Variants in TIAM1 observed in about 807,000 individuals in gnomAD.
TIAM1 encodes rho guanine nucleotide exchange factor TIAM1.
A neutral mutation model predicts 163.5 loss-of-function variants in TIAM1; 65 were observed. That is an observed-to-expected ratio of 0.40 (90% CI 0.33 to 0.49). The LOEUF (loss-of-function observed/expected upper bound fraction) is 0.49. Ranked by LOEUF, TIAM1 falls within the 20% of genes least tolerant of loss-of-function variation. TIAM1 has a pLI of 0.77. For missense variants in TIAM1, 1,789 were observed against 2,044.7 expected, an observed-to-expected ratio of 0.87 and a Z score of 2.41; for synonymous variants, 833 against 810.1, an observed-to-expected ratio of 1.03 and a Z score of -0.48.
chr21:31,508,120 G>A (rs2047091385), intron 1 of TIAM1, among the ~76,000 whole-genome samples: 1 of 152,188 alleles, frequency 6.6e-6, no homozygotes, highest in Admixed American at 6.5e-5. Context: ...ACCAGAAGCT[G>A]GAAGAGGGAA....
intron 11 of TIAM1, among the ~76,000 whole-genome samples, chr21:31,206,633 C>G (rs1452641591): frequency 1.3e-5 from 2 of 152,102 alleles, no homozygotes; most frequent in African/African-American, 4.8e-5. Flanking sequence ...AAATTATACC[C>G]TAAGTATTAT....
At position 31,462,835 on chromosome 21, in the gene TIAM1, C is replaced by G. The variant is rs542800062; in HGVS notation, c.-369+1148G>C. Among the ~76,000 whole-genome samples the G allele has an allele frequency of 3.4e-4, 51 of 151,956 alleles. 1 individual carries two copies. In the South Asian group the frequency reaches 0.011, roughly 32 times the overall value. ...TTCGCTCACTGCAACCTCCGCCTCCCAGGTTCAAGCCATTCTCCTGCCTCA... is the reference window on the plus strand; with the variant it reads ...TTCGCTCACTGCAACCTCCGCCTCCGAGGTTCAAGCCATTCTCCTGCCTCA... On this transcript the variant is annotated intron_variant, in intron 2 of 28. Transcript: ENST00000286827.
intron 2 of TIAM1, among the ~76,000 whole-genome samples, chr21:31,425,528 T>G (rs1232898927): frequency 1.3e-5 from 2 of 152,056 alleles, no homozygotes; most frequent in Non-Finnish European, 2.9e-5. Flanking sequence ...CTGGTTTAGT[T>G]GGTCTGCAAT....
intron 2 of TIAM1, among the ~76,000 whole-genome samples, chr21:31,444,659 A>T (rs1301517795): frequency 6.6e-6 from 1 of 152,162 alleles, no homozygotes; most frequent in African/African-American, 2.4e-5. Context: ...GCAGTCTGCC[A>T]TGAAATATTT....
At chr21:31,461,681 T>A (rs931263615) in intron 2 of TIAM1, among the ~76,000 whole-genome samples, 10 of 152,154 alleles carry the variant, frequency 6.6e-5, no homozygotes, top group South Asian at 2.1e-4. Context: ...TGTGTGTGTG[T>A]GAGAGACCTG....
intron 1 of TIAM1, among the ~76,000 whole-genome samples, chr21:31,489,571 AC>A (rs111846555): frequency 0.31 from 44,541 of 141,846 alleles, 7,529 homozygotes; most frequent in East Asian, 0.7. Context: ...AAAAGTGCAG[AC>A]CCCCCCCCCC....
intron 2 of TIAM1, among the ~76,000 whole-genome samples, chr21:31,362,477 TTA>T (rs1491544372): frequency 8.1e-5 from 12 of 147,912 alleles, no homozygotes; most frequent in African/African-American, 3.1e-4. Flanking sequence ...ATTATTATTA[TTA>T]TATTTGAGAA....
chr21:31,478,240 G>A (rs1482931118), intron 1 of TIAM1, among the ~76,000 whole-genome samples: 1 of 152,116 alleles, frequency 6.6e-6, no homozygotes, highest in Non-Finnish European at 1.5e-5. Context: ...TGGGCAAATG[G>A]CAAATTGCCT....
intron 2 of TIAM1, among the ~76,000 whole-genome samples, chr21:31,410,176 GTA>G (rs2077323031): frequency 2.0e-5 from 3 of 150,438 alleles, no homozygotes; most frequent in Non-Finnish European, 1.5e-5. Context: ...GAAAAAGGGT[GTA>G]TGTGTGAGTG....
In TIAM1 at chr21:31,266,962, G is replaced by A. The variant is rs367959238; in HGVS notation, c.11C>T (p.Ala4Val). ...CTCGTGCTCTACATGTTGACTTTCT[G>A]CGTTTCCCATGGTTTTATGGTCTGC... Reference protein sequence around the residue: MGNAESQHVEHEFY... With the variant: MGNVESQHVEHEFY... The change falls in exon 4 of 28, where the codon GCA becomes GTA. Residue 4 changes from alanine (A) to valine (V), a missense_variant. This residue lies in a region of TIAM1 where 555 missense variants were observed against 564.9 expected (regional missense o/e 0.98). Transcript: ENST00000541036. 174 of 1,602,706 alleles carry A rather than the reference G, an allele frequency of 1.1e-4. No individual in the cohort carries two copies. The highest frequency in any genetic ancestry group is 1.5e-4 in the Non-Finnish European group (172 of 1,172,232).
intron 2 of TIAM1, among the ~76,000 whole-genome samples, chr21:31,314,750 T>C (rs1408706711): frequency 1.3e-5 from 2 of 152,298 alleles, no homozygotes; most frequent in East Asian, 3.9e-4. Context: ...TTTTAAAACG[T>C]GCATGCTTGT....
chr21:31,370,570 G>T (rs2076580010), intron 2 of TIAM1, among the ~76,000 whole-genome samples: 1 of 152,160 alleles, frequency 6.6e-6, no homozygotes, highest in Non-Finnish European at 1.5e-5. Context: ...TGATGAGTAT[G>T]TGAGAGTTTC....
upstream of TIAM1, among the ~76,000 whole-genome samples, chr21:31,346,443 T>C (rs1397638466): frequency 6.6e-6 from 1 of 152,152 alleles, no homozygotes; most frequent in East Asian, 1.9e-4. Flanking sequence ...GGGTGCAGCC[T>C]TGGCATCCAT....
Position 31,223,508 on chromosome 21 carries a change from C to G in TIAM1, c.1893G>C (p.Gly631=), listed in dbSNP as rs775081470. 6.8e-6 allele frequency: 11 copies of G among 1,613,798 alleles called. No individual in the cohort carries two copies. The South Asian group carries it at 1.1e-4, about 16-fold the overall frequency. ...FRCYLASLQG[G]ELPNPKRLLA... is the part of the protein sequence containing the mutation. ...GAAGCCTTTTGGGGTTTGGCAGCTC[C>G]CCACCCTGAAGGCTGGCTAAATAAC... The change falls in exon 8 of 28, where the codon GGG becomes GGC. Residue 631 remains glycine (G), a synonymous_variant. Transcript: ENST00000541036.
intron 2 of TIAM1, among the ~76,000 whole-genome samples, chr21:31,418,865 G>C (rs1310094602): frequency 6.6e-6 from 1 of 152,148 alleles, no homozygotes; most frequent in Non-Finnish European, 1.5e-5. Context: ...TAGAACTACC[G>C]TTTCTTTTAC....
chr21:31,533,358 CAT>C (rs1171426155), intron 1 of TIAM1, among the ~76,000 whole-genome samples: 8 of 152,168 alleles, frequency 5.3e-5, no homozygotes, highest in African/African-American at 9.7e-5. Context: ...CTAGTAGCCA[CAT>C]GTTTTTAAAA....
chr21:31,544,812 G>C (rs999845945), intron 1 of TIAM1, among the ~76,000 whole-genome samples: 2 of 152,078 alleles, frequency 1.3e-5, no homozygotes, highest in African/African-American at 2.4e-5. Context: ...AGGAGATCGA[G>C]ACCATCCTGG....
At position 31,372,479 on chromosome 21, in the gene TIAM1, G is replaced by A. The variant is rs149412242; in HGVS notation, c.-368-33057C>T. On this transcript the variant is annotated intron_variant, in intron 2 of 28. Transcript: ENST00000286827. ...ATCTGTGACCAACCCCTGCTCAGCC[G>A]GAACCTAAGAACCACGAGAGCAGTG... Among the ~76,000 whole-genome samples, 676 of 152,286 alleles carry A rather than the reference G, an allele frequency of 4.4e-3. 20 individuals are homozygous for A. The highest frequency in any genetic ancestry group is 0.039 in the Admixed American group (602 of 15,286).
intron 2 of TIAM1, among the ~76,000 whole-genome samples, chr21:31,333,782 C>T (rs973875342): frequency 2.0e-5 from 3 of 152,168 alleles, no homozygotes; most frequent in African/African-American, 7.2e-5. Flanking sequence ...TTCTTCCCTT[C>T]TACACTGTAA....
Sources: allele counts gnomAD v4.1 joint callset (sites outside exome capture counted in the v4.1 genomes callset), GRCh38; gene constraint gnomAD v4.1.1; regional missense constraint gnomAD v4.1.1; transcripts MANE v1.5; gene names NCBI Gene and HGNC (gene_info 2026-07-23, HGNC 2026-07-21).